MLLT3: variants seen among roughly 807,000 people sequenced by gnomAD.
MLLT3 encodes the protein MLLT3 super elongation complex subunit, also known as protein AF-9.
Under a neutral mutation model 53.2 loss-of-function variants are expected in MLLT3, and 4 were observed. That is an observed-to-expected ratio of 0.08 (90% confidence interval 0.04 to 0.17). The LOEUF (loss-of-function observed/expected upper bound fraction) is 0.17, where lower values mean the gene tolerates loss of function less well. MLLT3 is among the 10% of genes least tolerant of loss of function. MLLT3 has a pLI of 1.00. For missense variants in MLLT3, 569 were observed against 684.0 expected, an observed-to-expected ratio of 0.83 and a Z score of 1.87; for synonymous variants, 283 against 230.6, an observed-to-expected ratio of 1.23 and a Z score of -2.06.
At chr9:20,419,669 G>A (rs1194822420) in intron 4 of MLLT3, among the ~76,000 whole-genome samples, 1 of 152,080 alleles carries the variant, frequency 6.6e-6, no homozygotes, top group East Asian at 1.9e-4. Context: ...CCAGACAGCT[G>A]GGAGAAAAAG....
At position 20,448,068 on chromosome 9, in the gene MLLT3, T is replaced by TG; in HGVS notation, c.420+54_420+55insC. 6.4e-7 allele frequency: 1 copy of TG among 1,562,294 alleles called. No individual in the cohort carries two copies. Among genetic ancestry groups the TG allele is most frequent in the Admixed American group, 2.0e-5 (1 of 50,330 alleles). Reference sequence around the variant, plus strand: ...GAGGAACTAGTTTGTTTGTTTTTTTTTTTGTTGTTGTTGTTTTTTAATAGG... The same window carrying TG: ...GAGGAACTAGTTTGTTTGTTTTTTTTGTTTGTTGTTGTTGTTTTTTAATAGG... On this transcript the variant is annotated intron_variant, in intron 4 of 10. Coordinates refer to ENST00000380338, the MANE Select transcript of MLLT3 (RefSeq NM_004529.4). The surrounding 1 kb of genome is among the most constrained non-coding windows in gnomAD (Gnocchi z 4.0).
At chr9:20,584,581 C>T (rs1819899728) in intron 2 of MLLT3, among the ~76,000 whole-genome samples, 1 of 152,188 alleles carries the variant, frequency 6.6e-6, no homozygotes, top group Non-Finnish European at 1.5e-5. Context: ...AAAGGCACTT[C>T]ATACATGGCA....
chr9:20,578,091 GA>G (rs1373887422), intron 2 of MLLT3, among the ~76,000 whole-genome samples: 33 of 152,238 alleles, frequency 2.2e-4, no homozygotes, highest in Middle Eastern at 3.4e-3. Context: ...TTTGCAAAAG[GA>G]AATACTCCAC....
At chr9:20,540,962 C>A (rs1354994279) in intron 2 of MLLT3, among the ~76,000 whole-genome samples, 1 of 152,186 alleles carries the variant, frequency 6.6e-6, no homozygotes, top group Non-Finnish European at 1.5e-5. Flanking sequence ...CTAGAAACAT[C>A]CAAGTCAAAT....
At chr9:20,362,051 T>C (rs1443366020) in intron 7 of MLLT3, among the ~76,000 whole-genome samples, 1 of 152,224 alleles carries the variant, frequency 6.6e-6, no homozygotes, top group East Asian at 1.9e-4. Flanking sequence ...TTAAAATGTG[T>C]CTTGAGTGAA....
chr9:20,552,677 T>C (rs747062675), intron 2 of MLLT3, among the ~76,000 whole-genome samples: 9 of 152,182 alleles, frequency 5.9e-5, no homozygotes, highest in Non-Finnish European at 1.2e-4. Flanking sequence ...TACCTTGACA[T>C]TCCTCCCAAG....
chr9:20,373,029 A>C (rs1821655941), intron 5 of MLLT3, among the ~76,000 whole-genome samples: 1 of 152,164 alleles, frequency 6.6e-6, no homozygotes, highest in African/African-American at 2.4e-5. Context: ...TCTCGAAGGT[A>C]TGCCTACATA....
intron 2 of MLLT3, among the ~76,000 whole-genome samples, chr9:20,590,104 A>G (rs1378728686): frequency 2.6e-5 from 4 of 152,142 alleles, no homozygotes; most frequent in Admixed American, 2.6e-4. Flanking sequence ...CAGCTGTTAG[A>G]AGTTGGAAAA....
chr9:20,521,027 A>T (rs10114678), intron 2 of MLLT3, among the ~76,000 whole-genome samples: 65,781 of 151,744 alleles, frequency 0.43, 14,438 homozygotes, highest in South Asian at 0.51. Flanking sequence ...TAATTTTTTT[A>T]AATTTAAATG....
chr9:20,359,312 T>A (rs890105333), intron 8 of MLLT3, among the ~76,000 whole-genome samples: 1 of 152,298 alleles, frequency 6.6e-6, no homozygotes, highest in East Asian at 1.9e-4. Context: ...TTCCTCTTTT[T>A]ACTTTCCTCT....
At position 20,345,030 on chromosome 9, in the gene MLLT3, A is replaced by G. The variant is rs1386103637; in HGVS notation, c.*1413T>C. 4.6e-6 allele frequency: 1 copy of G among 216,184 alleles called. No homozygotes were observed. The allele number at this position is 216,184 out of a possible 1,614,324, so 13.4% of individuals were successfully genotyped here. On this transcript the variant is annotated 3_prime_UTR_variant, in exon 11 of 11. Transcript: ENST00000380338. ...TTACTTTTCATTTCTCCACTTATGG[A>G]GAAGATGGAATAATGACACCAAAAG...
chr9:20,552,675 C>T (rs1406262147), intron 2 of MLLT3, among the ~76,000 whole-genome samples: 2 of 152,190 alleles, frequency 1.3e-5, no homozygotes, highest in African/African-American at 4.8e-5. Context: ...TCTACCTTGA[C>T]ATTCCTCCCA....
Position 20,360,819 on chromosome 9 carries a change from C to T in MLLT3, c.1354G>A (p.Asp452Asn), listed in dbSNP as rs749971238. Residue 452 changes from aspartate to asparagine, a missense_variant, in exon 8 of 11, where the codon GAT (aspartate) becomes AAT (asparagine). This residue lies in a region of MLLT3 where 437 missense variants were observed against 376.5 expected (regional missense o/e 1.16). Transcript: ENST00000380338. ...SRRVSLSDGSDSESSSASSPL... is the reference protein window; with the variant it reads ...SRRVSLSDGSNSESSSASSPL... ...GAAGAAGCAGAACTGCTTTCACTAT[C>T]GCTGCCATCACTTAAGCTAACTCTG... 5.0e-6 allele frequency: 8 copies of T among 1,613,912 alleles called. No individual in the cohort carries two copies. In the East Asian group the frequency reaches 6.7e-5, roughly 13 times the overall value.
rs1820377448 is a variant in MLLT3 at position 20,600,032 on chromosome 9, G to T, written c.193+20622C>A. Among the ~76,000 whole-genome samples the T allele has an allele frequency of 4.7e-5, 7 of 150,324 alleles. No homozygotes were observed. In the South Asian group the frequency reaches 1.5e-3, roughly 31 times the overall value. On this transcript the variant is annotated intron_variant, in intron 2 of 10. Transcript: ENST00000380338. Reference sequence around the variant, plus strand: ...CAGCCTTATAAAGAGAACCCTCAAAGAGATGAAAATCCATCTTTGACAGAT... The same window carrying T: ...CAGCCTTATAAAGAGAACCCTCAAATAGATGAAAATCCATCTTTGACAGAT...
intron 2 of MLLT3, among the ~76,000 whole-genome samples, chr9:20,558,871 G>A (rs1459566731): frequency 6.6e-6 from 1 of 152,166 alleles, no homozygotes; most frequent in African/African-American, 2.4e-5. Context: ...AAACTGTTTC[G>A]GATTTGAAAC....
At chr9:20,385,557 G>C (rs143081813) in intron 5 of MLLT3, among the ~76,000 whole-genome samples, 258 of 151,998 alleles carry the variant, frequency 1.7e-3, no homozygotes, top group African/African-American at 5.7e-3. Flanking sequence ...TGGTTCAATC[G>C]AGAACATCCT....
intron 2 of MLLT3, among the ~76,000 whole-genome samples, chr9:20,516,299 T>C (rs534456745): frequency 1.8e-4 from 27 of 152,080 alleles, no homozygotes; most frequent in Non-Finnish European, 4.0e-4. Flanking sequence ...CTAATCGCAC[T>C]CCAATCTGAT....
intron 2 of MLLT3, among the ~76,000 whole-genome samples, chr9:20,613,750 GA>G (rs1254675296): frequency 1.3e-5 from 2 of 152,066 alleles, no homozygotes; most frequent in Non-Finnish European, 2.9e-5. Flanking sequence ...GATTGGCAAA[GA>G]TTTTTTTAAG....
Position 20,344,902 on chromosome 9 carries a change from T to C in MLLT3, c.*1541A>G, listed in dbSNP as rs999394185. On this transcript the variant is annotated 3_prime_UTR_variant, in exon 11 of 11. Coordinates refer to ENST00000380338, the MANE Select transcript of MLLT3 (RefSeq NM_004529.4). ...GGTCTATTAGCACACATAGAGACTT[T>C]CTTAAGGCTGATCCAGTGACGAACC... 2.8e-5 allele frequency: 6 copies of C among 212,990 alleles called. No individual in the cohort carries two copies. Among genetic ancestry groups the C allele is most frequent in the African/African-American group, 1.1e-4 (5 of 44,252 alleles). The allele number at this position is 212,990 out of a possible 1,614,324, so 13.2% of individuals were successfully genotyped here.
Sources: gnomAD v4.1 joint callset for allele counts (sites outside exome capture counted in the v4.1 genomes callset) on GRCh38, gnomAD v4.1.1 for gene constraint, gnomAD v4.1.1 regional missense constraint, Gnocchi (gnomAD v3.1) non-coding constraint, MANE v1.5 for transcripts, NCBI Gene and HGNC (gene_info 2026-07-23, HGNC 2026-07-21) for gene names.